The following PARP16 variants were observed in gnomAD, a reference collection of about 807,000 sequenced individuals.
PARP16 encodes the protein protein mono-ADP-ribosyltransferase PARP16.
In PARP16, 31 loss-of-function variants were observed where a neutral mutation model predicts 35.0. The observed-to-expected ratio is 0.88, with a 90% CI of 0.66 to 1.19. PARP16 has a LOEUF of 1.19. PARP16 is among the 50% of genes most tolerant of loss of function. The pLI is 0.00. For missense variants in PARP16, 424 were observed against 411.2 expected, an observed-to-expected ratio of 1.03 and a Z score of -0.27; for synonymous variants, 162 against 169.5, an observed-to-expected ratio of 0.96 and a Z score of 0.34.
At chr15:65,245,627 G>T (rs560067799) in intron 3 of PARP16, among the ~76,000 whole-genome samples, 4 of 152,096 alleles carry the variant, frequency 2.6e-5, no homozygotes, top group African/African-American at 9.7e-5. Flanking sequence ...CACCCAGGCC[G>T]CCAGCAATCA....
At chr15:65,276,798 T>G (rs1000136889) in intron 1 of PARP16, among the ~76,000 whole-genome samples, 1 of 152,074 alleles carries the variant, frequency 6.6e-6, no homozygotes, top group African/African-American at 2.4e-5. Flanking sequence ...CTGGTCAACA[T>G]GGTGAAACCC....
intron 3 of PARP16, among the ~76,000 whole-genome samples, chr15:65,237,010 G>A (rs1391224160): frequency 6.6e-6 from 1 of 151,852 alleles, no homozygotes; most frequent in African/African-American, 2.4e-5. Flanking sequence ...AAAAAGGTGT[G>A]GAAAGCTGTT....
At chr15:65,273,206 A>C (rs1026251241) in intron 1 of PARP16, among the ~76,000 whole-genome samples, 2 of 139,624 alleles carry the variant, frequency 1.4e-5, no homozygotes, top group African/African-American at 5.2e-5. Context: ...TGAACCCAGG[A>C]GGCGGAGGTT....
At chr15:65,244,097 T>C (rs1184018751) in intron 3 of PARP16, among the ~76,000 whole-genome samples, 1 of 152,212 alleles carries the variant, frequency 6.6e-6, no homozygotes, top group Non-Finnish European at 1.5e-5. Flanking sequence ...TGGTAAGATC[T>C]TCCACAGGCT....
chr15:65,273,693 C>T (rs1362569345), intron 1 of PARP16, among the ~76,000 whole-genome samples: 2 of 151,706 alleles, frequency 1.3e-5, no homozygotes, highest in African/African-American at 2.4e-5. Flanking sequence ...GCCTGACCAG[C>T]ATGAGAAACC....
In PARP16 at chr15:65,266,825, A is replaced by G. The variant is rs559233259; in HGVS notation, c.313-57T>C. Reference sequence around the variant, plus strand: ...TTGGGGAGCTGGTAAATGTGCTGCAAAAATAGCCCCCTAAACTCTCAGGCT... The same window carrying G: ...TTGGGGAGCTGGTAAATGTGCTGCAGAAATAGCCCCCTAAACTCTCAGGCT... On this transcript the variant is annotated intron_variant, in intron 2 of 5. Coordinates refer to ENST00000649807, the MANE Select transcript of PARP16 (RefSeq NM_001316943.2). 8.7e-4 allele frequency: 1,093 copies of G among 1,251,964 alleles called. 2 individuals are homozygous for G. The highest frequency in any genetic ancestry group is 1.1e-3 in the Non-Finnish European group (967 of 869,038). The allele number at this position is 1,251,964 out of a possible 1,614,324, so 77.6% of individuals were successfully genotyped here.
chr15:65,284,763 C>T (rs559558011), intron 1 of PARP16, among the ~76,000 whole-genome samples: 32 of 150,604 alleles, frequency 2.1e-4, no homozygotes, highest in Non-Finnish European at 3.5e-4. Context: ...ACACCAGCTA[C>T]GTCCAGAGTT....
At chr15:65,270,334 T>G (rs575394412) in intron 2 of PARP16, among the ~76,000 whole-genome samples, 81 of 152,314 alleles carry the variant, frequency 5.3e-4, no homozygotes, top group African/African-American at 1.9e-3. Flanking sequence ...TGCCCCACTT[T>G]GAGGTAACTA....
intron 1 of PARP16, among the ~76,000 whole-genome samples, chr15:65,277,260 C>T (rs2090287427): frequency 6.6e-6 from 1 of 152,162 alleles, no homozygotes; most frequent in Non-Finnish European, 1.5e-5. Flanking sequence ...CCACGTGAAG[C>T]CTTCCCTGAC....
intron 2 of PARP16, among the ~76,000 whole-genome samples, chr15:65,252,779 T>C (rs991224498): frequency 6.6e-6 from 1 of 152,198 alleles, no homozygotes; most frequent in Non-Finnish European, 1.5e-5. Flanking sequence ...CACATGTGTA[T>C]GAATAAGCTT....
At chr15:65,278,632 C>T (rs1402540028) in intron 1 of PARP16, among the ~76,000 whole-genome samples, 1 of 152,146 alleles carries the variant, frequency 6.6e-6, no homozygotes. Context: ...ATCACAAGCT[C>T]CTGGGGAGGA....
In PARP16 at chr15:65,266,756, G is replaced by A. The variant is rs770028403; in HGVS notation, c.325C>T (p.Gln109Ter). Residue 109 changes from glutamine (Q) to a stop codon, truncating the protein, a stop_gained, in exon 3 of 6, where the codon CAA becomes TAA. Transcript: ENST00000649807. LOFTEE classifies it high-confidence loss of function. ...SAGKAEFEKIQKLTGAPHTPV... is the reference protein window; with the variant it reads ...SAGKAEFEKI The stretch of plus-strand genomic sequence containing the variant: ...GTGTGAGGAGCCCCAGTCAGCTTTT[G>A]GATCTTTTCAAACTTGAAAACATGA... 6 of 1,613,426 alleles carry A rather than the reference G, an allele frequency of 3.7e-6. No individual in the cohort carries two copies. Among genetic ancestry groups the A allele is most frequent in the Non-Finnish European group, 5.1e-6 (6 of 1,179,552 alleles).
chr15:65,286,115 C>A (rs963477340), intron 1 of PARP16, 138 bp downstream of exon 1: 2 of 681,630 alleles, frequency 2.9e-6, no homozygotes, highest in East Asian at 3.3e-5. Flanking sequence ...TTCCCCAAGG[C>A]AAGGCAAGAC....
At chr15:65,244,377 G>A (rs1332275002) in intron 3 of PARP16, among the ~76,000 whole-genome samples, 3 of 152,170 alleles carry the variant, frequency 2.0e-5, no homozygotes, top group Non-Finnish European at 4.4e-5. Context: ...TCACAGTTCC[G>A]CATGGCTTGG....
At chr15:65,241,449 A>G (rs1383689043) in intron 3 of PARP16, among the ~76,000 whole-genome samples, 2 of 152,160 alleles carry the variant, frequency 1.3e-5, no homozygotes, top group African/African-American at 4.8e-5. Context: ...CCAGTTTTCT[A>G]AAGTGCTTAT....
intron 2 of PARP16, among the ~76,000 whole-genome samples, chr15:65,248,730 G>A (rs1276955294): frequency 6.6e-6 from 1 of 152,160 alleles, no homozygotes; most frequent in Admixed American, 6.5e-5. Flanking sequence ...TCCCCCTCCT[G>A]TCTGCGGCCA....
chr15:65,264,362 G>A (rs1225251104), intron 3 of PARP16, among the ~76,000 whole-genome samples: 3 of 152,184 alleles, frequency 2.0e-5, no homozygotes, highest in East Asian at 1.9e-4. Flanking sequence ...GGACATTGAC[G>A]CTCAGGTTGA....
At chr15:65,237,397 G>A (rs963084146) in intron 3 of PARP16, among the ~76,000 whole-genome samples, 1 of 152,160 alleles carries the variant, frequency 6.6e-6, no homozygotes, top group South Asian at 2.1e-4. Context: ...CAGAACCTGT[G>A]AATGTAACCA....
At chr15:65,265,876 T>C (rs1303929416) in intron 3 of PARP16, among the ~76,000 whole-genome samples, 1 of 152,194 alleles carries the variant, frequency 6.6e-6, no homozygotes, top group Non-Finnish European at 1.5e-5. Flanking sequence ...GAGATTCTCA[T>C]TTAATTGGTC....
Sources: allele counts gnomAD v4.1 joint callset (sites outside exome capture counted in the v4.1 genomes callset), GRCh38; gene constraint gnomAD v4.1.1; transcripts MANE v1.5; gene names NCBI Gene and HGNC (gene_info 2026-07-23, HGNC 2026-07-21).